The following OMA1 variants were observed in gnomAD, a reference collection of about 807,000 sequenced individuals.
OMA1 encodes the protein OMA1 zinc metallopeptidase, also known as metalloendopeptidase OMA1, mitochondrial.
A neutral mutation model predicts 30.9 loss-of-function variants in OMA1; 38 were observed. The observed-to-expected ratio is 1.23, with a 90% CI of 0.95 to 1.61. The LOEUF is 1.61. OMA1 is among the 40% of genes most tolerant of loss of function. OMA1 has a pLI of 0.00. For missense variants in OMA1, 461 were observed against 349.2 expected, an observed-to-expected ratio of 1.32 and a Z score of -2.55; for synonymous variants, 173 against 121.9, an observed-to-expected ratio of 1.42 and a Z score of -2.76.
chr1:58,503,824 T>G (rs1645945388), intron 8 of OMA1, among the ~76,000 whole-genome samples: 1 of 152,202 alleles, frequency 6.6e-6, no homozygotes, highest in African/African-American at 2.4e-5. Context: ...TCTATGGTAT[T>G]TTTATTATTG....
intron 8 of OMA1, among the ~76,000 whole-genome samples, chr1:58,495,693 T>C (rs1255078233): frequency 6.7e-6 from 1 of 148,366 alleles, no homozygotes; most frequent in East Asian, 2.0e-4. Flanking sequence ...GCTAAGGATC[T>C]TCCACCATAA....
intron 8 of OMA1, 46 bp downstream of exon 8, chr1:58,506,014 A>G: frequency 1.2e-6 from 1 of 801,980 alleles, no homozygotes; most frequent in Non-Finnish European, 2.2e-6. Flanking sequence ...TTAAAAATAA[A>G]TGATACAGTA....
At chr1:58,523,543 G>C (rs957561989) in intron 7 of OMA1, among the ~76,000 whole-genome samples, 1 of 152,104 alleles carries the variant, frequency 6.6e-6, no homozygotes, top group Admixed American at 6.5e-5. Flanking sequence ...AGACCATTTG[G>C]ACGCCTTCAG....
intron 8 of OMA1, among the ~76,000 whole-genome samples, chr1:58,505,320 T>C (rs1486035414): frequency 6.6e-6 from 1 of 152,178 alleles, no homozygotes; most frequent in Non-Finnish European, 1.5e-5. Flanking sequence ...TGCTAAAAAA[T>C]GTTCCGCTTT....
chr1:58,498,280 C>G (rs1057367683), intron 8 of OMA1, among the ~76,000 whole-genome samples: 7 of 151,632 alleles, frequency 4.6e-5, no homozygotes, highest in African/African-American at 1.7e-4. Context: ...CTTCCATTCT[C>G]CTCTACCATT....
chr1:58,534,518 C>G (rs1646486249), intron 3 of OMA1, among the ~76,000 whole-genome samples, 187 bp from the exon 4 acceptor site: 1 of 152,196 alleles, frequency 6.6e-6, no homozygotes, highest in Non-Finnish European at 1.5e-5. Flanking sequence ...TGGTTTCTTA[C>G]AAAGGAATAA....
chr1:58,496,025 T>C (rs1421269876), intron 8 of OMA1, among the ~76,000 whole-genome samples: 1 of 152,172 alleles, frequency 6.6e-6, no homozygotes, highest in African/African-American at 2.4e-5. Flanking sequence ...TAAAAACCCA[T>C]CTTGAGAAAT....
intron 1 of OMA1, among the ~76,000 whole-genome samples, chr1:58,546,127 T>C (rs1646700099): frequency 6.6e-6 from 1 of 152,050 alleles, no homozygotes; most frequent in Non-Finnish European, 1.5e-5. Flanking sequence ...TGTAGACGAG[T>C]TTACGAGGAA....
chr1:58,527,141 T>C (rs1646364706), intron 7 of OMA1, 120 bp downstream of exon 7: 3 of 624,110 alleles, frequency 4.8e-6, no homozygotes, highest in South Asian at 2.0e-5. Flanking sequence ...AGAAATTACA[T>C]AAAGGGCTAA....
chr1:58,489,011 G>A (rs919400770), intron 8 of OMA1, among the ~76,000 whole-genome samples: 11 of 152,218 alleles, frequency 7.2e-5, no homozygotes, highest in Admixed American at 2.0e-4. Context: ...AGCTCCCAGC[G>A]TCAGCGACGC....
rs189405227 is a variant in OMA1 at position 58,535,532 on chromosome 1, G to A, written c.729+981C>T. On this transcript the variant is annotated intron_variant, in intron 3 of 8. Coordinates refer to ENST00000371226, the MANE Select transcript of OMA1 (RefSeq NM_145243.5). Reference sequence around the variant, plus strand: ...AATAATTTGAACCTGTAAGGTGGAGGTTGCAGTGAGCCAAGATGGCACCAC... The same window carrying A: ...AATAATTTGAACCTGTAAGGTGGAGATTGCAGTGAGCCAAGATGGCACCAC... 4.7e-5 allele frequency among the ~76,000 whole-genome samples: 7 copies of A among 150,078 alleles called. No individual in the cohort carries two copies. The East Asian group carries it at 1.4e-3, about 29-fold the overall frequency.
At chr1:58,513,718 AC>A (rs1237529738) in intron 7 of OMA1, among the ~76,000 whole-genome samples, 1 of 152,220 alleles carries the variant, frequency 6.6e-6, no homozygotes, top group East Asian at 1.9e-4. Flanking sequence ...ATATGACACC[AC>A]ATGCCAGGCA....
chr1:58,505,660 C>T (rs1645976844), intron 8 of OMA1, among the ~76,000 whole-genome samples: 3 of 152,140 alleles, frequency 2.0e-5, no homozygotes, highest in Admixed American at 2.0e-4. Flanking sequence ...TTAATATCCA[C>T]TTGACCCAAA....
chr1:58,539,453 T>C, intron 1 of OMA1, 143 bp from the exon 2 acceptor site: 1 of 588,192 alleles, frequency 1.7e-6, no homozygotes, highest in East Asian at 2.8e-5. Flanking sequence ...TCATCACCCC[T>C]AGAGCAACGC....
rs754010070 is a variant in OMA1 at position 58,481,064 on chromosome 1, G to A, written c.1476C>T (p.Asp492=). Residue 492 remains aspartate, a synonymous_variant, in exon 9 of 9, where the codon GAC becomes GAT. Transcript: ENST00000371226. The part of the protein sequence containing the change: ...KHFLEESEKE[D]LNITKKQKMD... ...TTTTCTGTTTCTTCGTGATATTTAG[G>A]TCTTCTTTCTCTGATTCTTCAAGAA... The A allele has an allele frequency of 1.1e-6, 1 of 871,726 alleles. No individual in the cohort carries two copies. Among genetic ancestry groups the A allele is most frequent in the Non-Finnish European group, 2.0e-6 (1 of 501,164 alleles). The allele number at this position is 871,726 out of a possible 1,614,324, so 54.0% of individuals were successfully genotyped here.
At chr1:58,506,278 ATTTT>A (rs370563888) in intron 7 of OMA1, 69 bp from the exon 8 acceptor site, 1 of 713,752 alleles carries the variant, frequency 1.4e-6, no homozygotes, top group South Asian at 1.9e-5. Context: ...CTACTACTTT[ATTTT>A]TTTTTAATTC....
chr1:58,506,177 A>G lies in OMA1; in HGVS notation c.1248T>C (p.Phe416=). Residue 416 remains phenylalanine, a synonymous_variant, in exon 8 of 9, where the codon TTT becomes TTC. Coordinates refer to ENST00000371226, the MANE Select transcript of OMA1 (RefSeq NM_145243.5). ...TATCAACGAACTCCATTTGCTGCCA[A>G]AACACTGAACTGGCTCTTATGTCTG... ...ACADIRASSV[F]WQQMEFVDSL... 2 of 872,160 alleles carry G rather than the reference A, an allele frequency of 2.3e-6. No individual in the cohort carries two copies. Among genetic ancestry groups the G allele is most frequent in the Non-Finnish European group, 2.0e-6 (1 of 501,062 alleles). The allele number at this position is 872,160 out of a possible 1,614,324, so 54.0% of individuals were successfully genotyped here.
intron 7 of OMA1, among the ~76,000 whole-genome samples, chr1:58,525,226 A>G (rs1221303006): frequency 4.6e-5 from 7 of 152,174 alleles, no homozygotes; most frequent in African/African-American, 1.7e-4. Flanking sequence ...AATTTTTTCA[A>G]TATTTCTAAG....
chr1:58,497,623 A>T (rs923060098), intron 8 of OMA1, among the ~76,000 whole-genome samples: 2 of 147,622 alleles, frequency 1.4e-5, no homozygotes, highest in Non-Finnish European at 3.0e-5. Context: ...AGGAAGAAGA[A>T]GTTACCGTTT....
Sources: gnomAD v4.1 joint callset for allele counts (sites outside exome capture counted in the v4.1 genomes callset) on GRCh38, gnomAD v4.1.1 for gene constraint, MANE v1.5 for transcripts, NCBI Gene and HGNC (gene_info 2026-07-23, HGNC 2026-07-21) for gene names.